TSPAN15: variants seen among roughly 807,000 people sequenced by gnomAD.
TSPAN15 encodes tetraspanin-15.
Under a neutral mutation model 34.5 loss-of-function variants are expected in TSPAN15, and 20 were observed. The observed-to-expected ratio is 0.58, with a 90% confidence interval of 0.41 to 0.84. TSPAN15 has a LOEUF of 0.84. Ranked by LOEUF, TSPAN15 falls within the 40% of genes least tolerant of loss-of-function variation. TSPAN15 has a pLI of 0.00. For missense variants in TSPAN15, 313 were observed against 386.1 expected, an observed-to-expected ratio of 0.81 and a Z score of 1.59; for synonymous variants, 155 against 153.9, an observed-to-expected ratio of 1.01 and a Z score of -0.05.
chr10:69,536,721 G>A, the TSPAN15 span, among the ~76,000 whole-genome samples: 6 of 152,060 alleles, frequency 3.9e-5, no homozygotes, highest in Middle Eastern at 3.4e-3. Flanking sequence ...ATGGTGGCTC[G>A]TGCCTGTAAT....
chr10:69,455,610 C>CTTTCTTTCTTTCTTTTTT (rs1564595618), intron 1 of TSPAN15, among the ~76,000 whole-genome samples: 1 of 87,488 alleles, frequency 1.1e-5, no homozygotes. Context: ...CTTTCTTTCT[C>CTTTCTTTCTTTCTTTTTT]TCTCTCTCTC....
the TSPAN15 span, among the ~76,000 whole-genome samples, chr10:69,530,832 A>ATATATATG: frequency 1.1e-5 from 1 of 90,110 alleles, no homozygotes; most frequent in Non-Finnish European, 2.1e-5. Context: ...ATATATATAT[A>ATATATATG]TATATATATA....
Position 69,506,863 on chromosome 10 carries a change from C to G in TSPAN15, c.770C>G (p.Thr257Ser), listed in dbSNP as rs1346679919. Residue 257 changes from threonine (T) to serine (S), a missense_variant, in exon 8 of 8, where the codon ACC becomes AGC. Physicochemically the swap from Thr to Ser is moderately conservative, Grantham distance 58 (BLOSUM62 1). Coordinates refer to ENST00000373290, the MANE Select transcript of TSPAN15 (RefSeq NM_012339.5). The surrounding 1 kb of genome is among the most constrained non-coding windows in gnomAD (Gnocchi z 4.7). ...GTGCTGCTGACGCTGCTGTACATCA[C>G]CCGGGTGGAGGACATCATCATGGAG... ...LGVLLTLLYI[T>S]RVEDIIMEHS... 1.9e-6 allele frequency: 3 copies of G among 1,598,056 alleles called. No homozygotes were observed. Among genetic ancestry groups the G allele is most frequent in the Non-Finnish European group, 2.6e-6 (3 of 1,172,840 alleles).
At chr10:69,470,982 C>T (rs1287059395) in intron 1 of TSPAN15, among the ~76,000 whole-genome samples, 2 of 152,184 alleles carry the variant, frequency 1.3e-5, no homozygotes, top group African/African-American at 2.4e-5. Context: ...CTTGGTCCCT[C>T]CTCTACTCCA....
intron 1 of TSPAN15, among the ~76,000 whole-genome samples, chr10:69,480,611 C>T (rs1841713212): frequency 6.6e-6 from 1 of 152,154 alleles, no homozygotes; most frequent in Non-Finnish European, 1.5e-5. Flanking sequence ...CCTCAGGGCT[C>T]TTTTATTTGT....
chr10:69,517,159 C>T, the TSPAN15 span, among the ~76,000 whole-genome samples: 6 of 152,192 alleles, frequency 3.9e-5, no homozygotes. Flanking sequence ...TCACCTGTCA[C>T]CTCGCTGGTG....
chr10:69,521,161 C>G, the TSPAN15 span, among the ~76,000 whole-genome samples: 2 of 152,154 alleles, frequency 1.3e-5, no homozygotes, highest in African/African-American at 4.8e-5. Context: ...AAGAAGATCT[C>G]CTTCCCCAGC....
Position 69,451,511 on chromosome 10 carries a change from C to T in TSPAN15, c.-84C>T, listed in dbSNP as rs1050507012. The stretch of plus-strand genomic sequence containing the variant: ...GGTGGCGGGGCTGGTAGCCCGGCAG[C>T]CGCAGGTGGGGCCACGAGCGCTGGC... On this transcript the variant is annotated 5_prime_UTR_variant, in exon 1 of 8. Transcript: ENST00000373290. 6.3e-6 allele frequency: 8 copies of T among 1,278,044 alleles called. No homozygotes were observed. Among genetic ancestry groups the T allele is most frequent in the Non-Finnish European group, 7.9e-6 (8 of 1,010,432 alleles). The allele number at this position is 1,278,044 out of a possible 1,614,324, so 79.2% of individuals were successfully genotyped here.
chr10:69,497,682 GC>G (rs964464914), intron 4 of TSPAN15, among the ~76,000 whole-genome samples: 1 of 152,112 alleles, frequency 6.6e-6, no homozygotes, highest in Non-Finnish European at 1.5e-5. Flanking sequence ...TCTCTCCAGT[GC>G]CCAGGACAAT....
At chr10:69,503,783 T>G (rs1842261219) in intron 5 of TSPAN15, among the ~76,000 whole-genome samples, 1 of 152,230 alleles carries the variant, frequency 6.6e-6, no homozygotes, top group East Asian at 1.9e-4. Context: ...CAGGTGGTGA[T>G]GGGAAGTGCC....
intron 1 of TSPAN15, among the ~76,000 whole-genome samples, chr10:69,456,395 C>G (rs1841111005): frequency 6.6e-6 from 1 of 152,122 alleles, no homozygotes. Flanking sequence ...CCTAAACTTC[C>G]TTTTTAAACT....
intron 1 of TSPAN15, among the ~76,000 whole-genome samples, chr10:69,483,284 G>A (rs1332323948): frequency 3.3e-5 from 5 of 152,000 alleles, no homozygotes; most frequent in African/African-American, 9.7e-5. Flanking sequence ...CACCGCGCCC[G>A]GCCTGCAGGG....
chr10:69,508,035 C>T (rs1228103783), downstream of TSPAN15, among the ~76,000 whole-genome samples: 1 of 152,116 alleles, frequency 6.6e-6, no homozygotes, highest in Non-Finnish European at 1.5e-5. Flanking sequence ...TGGTGTCGGT[C>T]GACCCCTGCT....
chr10:69,463,629 G>C (rs1235452020), intron 1 of TSPAN15, among the ~76,000 whole-genome samples: 1 of 152,144 alleles, frequency 6.6e-6, no homozygotes, highest in Non-Finnish European at 1.5e-5. Flanking sequence ...GGCCAACATG[G>C]TGAAACCCCA....
In TSPAN15 at chr10:69,455,518, C is replaced by CT. The variant is rs1564595375; in HGVS notation, c.96+3828_96+3829insT. ...CTTAGGTTGTTCCCAGTCTTTCTTT[C>CT]CCTCTCTTTCTTTCTCTTTCTTTCT... On this transcript the variant is annotated intron_variant, in intron 1 of 7. Coordinates refer to ENST00000373290, the MANE Select transcript of TSPAN15 (RefSeq NM_012339.5). Among the ~76,000 whole-genome samples the CT allele has an allele frequency of 3.1e-3, 460 of 148,108 alleles. 15 individuals are homozygous for CT. Among genetic ancestry groups the CT allele is most frequent in the Non-Finnish European group, 4.4e-3 (292 of 66,668 alleles).
At chr10:69,454,883 GA>G (rs1841050015) in intron 1 of TSPAN15, among the ~76,000 whole-genome samples, 1 of 152,144 alleles carries the variant, frequency 6.6e-6, no homozygotes, top group Non-Finnish European at 1.5e-5. Context: ...TTTAGAAGTA[GA>G]AAAGGGTAAG....
At chr10:69,534,666 T>C in the TSPAN15 span, among the ~76,000 whole-genome samples, 1 of 152,042 alleles carries the variant, frequency 6.6e-6, no homozygotes, top group African/African-American at 2.4e-5. Flanking sequence ...ACAGATGTAA[T>C]ATAGTAGATG....
intron 3 of TSPAN15, among the ~76,000 whole-genome samples, chr10:69,486,236 ATCT>A (rs994345787): frequency 2.0e-5 from 3 of 151,974 alleles, no homozygotes; most frequent in South Asian, 2.1e-4. Context: ...TCCTCCCATA[ATCT>A]TCTTCCTTGT....
chr10:69,512,806 A>C, the TSPAN15 span, among the ~76,000 whole-genome samples: 1 of 152,200 alleles, frequency 6.6e-6, no homozygotes, highest in Admixed American at 6.5e-5. Context: ...TGTTGTATGG[A>C]TACACCATGG....
Sources: gnomAD v4.1 joint callset for allele counts (sites outside exome capture counted in the v4.1 genomes callset) on GRCh38, gnomAD v4.1.1 for gene constraint, Gnocchi (gnomAD v3.1) non-coding constraint, MANE v1.5 for transcripts, NCBI Gene and HGNC (gene_info 2026-07-23, HGNC 2026-07-21) for gene names.